KCNJ3: variants seen among roughly 807,000 people sequenced by gnomAD.
KCNJ3 encodes the protein potassium inwardly rectifying channel subfamily J member 3.
Under a neutral mutation model 39.2 loss-of-function variants are expected in KCNJ3, and 4 were observed. The observed-to-expected ratio is 0.10, with a 90% CI of 0.05 to 0.23. KCNJ3 has a LOEUF of 0.23. Ranked by LOEUF, KCNJ3 falls within the 10% of genes least tolerant of loss-of-function variation. KCNJ3 has a pLI of 1.00. For missense variants in KCNJ3, 276 were observed against 634.9 expected (o/e 0.43, Z 6.08); for synonymous variants, 230 against 237.4 (o/e 0.97, Z 0.29).
In KCNJ3 at chr2:154,792,015, C is replaced by T. The variant is rs532683567; in HGVS notation, c.920-62712C>T. ...TTGTCTTTTAACTGCTTTTATATTT[C>T]TAATCCTGTACACGTGGCTTCCCAA... On this transcript the variant is annotated intron_variant, in intron 2 of 2. Coordinates refer to ENST00000295101, the MANE Select transcript of KCNJ3 (RefSeq NM_002239.4). Among the ~76,000 whole-genome samples, 4 of 152,134 alleles carry T rather than the reference C, an allele frequency of 2.6e-5. No individual in the cohort carries two copies. The East Asian group carries it at 7.8e-4, about 30-fold the overall frequency.
chr2:154,698,708 T>TG lies in KCNJ3; in HGVS notation c.-67dup. 1 of 493,304 alleles carries TG rather than the reference T, an allele frequency of 2.0e-6. No individual in the cohort carries two copies. The allele number at this position is 493,304 out of a possible 1,614,324, so 30.6% of individuals were successfully genotyped here. On this transcript the variant is annotated 5_prime_UTR_variant, in exon 1 of 3. Coordinates refer to ENST00000295101, the MANE Select transcript of KCNJ3 (RefSeq NM_002239.4). ...TCCCCCGCCCCCACCTCCTTATTGG[T>TG]GCTAGTTTGCAGCGCCCAGCTCCTG...
chr2:154,817,924 C>T (rs2105107293), intron 2 of KCNJ3, among the ~76,000 whole-genome samples: 2 of 151,950 alleles, frequency 1.3e-5, no homozygotes, highest in East Asian at 2.0e-4. Context: ...AAAAACGTGT[C>T]CAACGATGTC....
intron 1 of KCNJ3, among the ~76,000 whole-genome samples, chr2:154,707,902 G>A (rs367956833): frequency 3.9e-4 from 60 of 152,200 alleles, no homozygotes; most frequent in Non-Finnish European, 6.2e-4. Context: ...CATGTAGTTG[G>A]AAAGATGTTG....
At chr2:154,735,842 C>T (rs1685520810) in intron 2 of KCNJ3, among the ~76,000 whole-genome samples, 1 of 152,100 alleles carries the variant, frequency 6.6e-6, no homozygotes, top group Non-Finnish European at 1.5e-5. Context: ...CTATAGTTTT[C>T]AAAGCAAAAG....
intron 2 of KCNJ3, among the ~76,000 whole-genome samples, chr2:154,831,198 A>G (rs1043734755): frequency 6.6e-6 from 1 of 152,140 alleles, no homozygotes; most frequent in African/African-American, 2.4e-5. Context: ...GATAAAGCAC[A>G]ACAGTTACCC....
chr2:154,812,354 GT>G (rs1189648841), intron 2 of KCNJ3, among the ~76,000 whole-genome samples: 1 of 152,110 alleles, frequency 6.6e-6, no homozygotes, highest in East Asian at 1.9e-4. Flanking sequence ...GTCATGGTGT[GT>G]AGGACACAGA....
intron 2 of KCNJ3, among the ~76,000 whole-genome samples, chr2:154,715,550 A>G (rs181548656): frequency 2.0e-4 from 30 of 152,230 alleles, no homozygotes; most frequent in Admixed American, 1.2e-3. Flanking sequence ...CAAAACTTTT[A>G]CTATGCAAGT....
intron 2 of KCNJ3, among the ~76,000 whole-genome samples, chr2:154,797,122 A>G (rs1686733556): frequency 6.6e-6 from 1 of 152,164 alleles, no homozygotes; most frequent in Admixed American, 6.6e-5. Flanking sequence ...GCGTTTACTG[A>G]GAGACACAAT....
chr2:154,793,190 A>T (rs967773713), intron 2 of KCNJ3, among the ~76,000 whole-genome samples: 20 of 152,120 alleles, frequency 1.3e-4, no homozygotes, highest in African/African-American at 4.6e-4. Context: ...AGCATAGGTC[A>T]TAAAGATTAT....
Position 154,721,785 on chromosome 2 carries a change from C to T in KCNJ3, c.919+11966C>T, listed in dbSNP as rs568567086. Among the ~76,000 whole-genome samples the T allele has an allele frequency of 3.7e-4, 57 of 152,190 alleles. 1 individual carries two copies. In the South Asian group the frequency reaches 0.011, roughly 29 times the overall value. Reference sequence around the variant, plus strand: ...AATCTAGTTAAAACCCTCTATTTTACAGAAATGGAAACTGTGATTCATTGA... The same window carrying T: ...AATCTAGTTAAAACCCTCTATTTTATAGAAATGGAAACTGTGATTCATTGA... On this transcript the variant is annotated intron_variant, in intron 2 of 2. Transcript: ENST00000295101.
At chr2:154,808,149 C>T (rs1264993212) in intron 2 of KCNJ3, among the ~76,000 whole-genome samples, 2 of 150,304 alleles carry the variant, frequency 1.3e-5, no homozygotes, top group African/African-American at 4.9e-5. Context: ...GGAACAATCT[C>T]GGTTTATTTC....
chr2:154,845,336 C>T (rs1031196542), intron 2 of KCNJ3, among the ~76,000 whole-genome samples: 16 of 151,910 alleles, frequency 1.1e-4, no homozygotes, highest in Non-Finnish European at 1.6e-4. Context: ...TCAGGCTGGT[C>T]TCGAACTCCT....
At chr2:154,852,182 C>A (rs150688577) in intron 2 of KCNJ3, among the ~76,000 whole-genome samples, 132 of 152,252 alleles carry the variant, frequency 8.7e-4, no homozygotes, top group Non-Finnish European at 1.6e-3. Flanking sequence ...TGCCTGACAT[C>A]AATTTTCAAT....
chr2:154,846,363 T>C (rs529108538), intron 2 of KCNJ3, among the ~76,000 whole-genome samples: 1 of 152,352 alleles, frequency 6.6e-6, no homozygotes, highest in South Asian at 2.1e-4. Context: ...TTTAATTAAT[T>C]GGAACCTTAA....
chr2:154,739,126 G>A (rs1685598771), intron 2 of KCNJ3, among the ~76,000 whole-genome samples: 1 of 152,032 alleles, frequency 6.6e-6, no homozygotes, highest in African/African-American at 2.4e-5. Context: ...ATCCTCAGGT[G>A]CTGTTTTTAT....
chr2:154,723,584 A>G (rs557922177), intron 2 of KCNJ3, among the ~76,000 whole-genome samples: 1 of 152,028 alleles, frequency 6.6e-6, no homozygotes, highest in South Asian at 2.1e-4. Context: ...TAACAATAAT[A>G]TACGTAATAT....
intron 1 of KCNJ3, among the ~76,000 whole-genome samples, chr2:154,700,629 TTTTGCC>T (rs1684876306): frequency 6.6e-6 from 1 of 152,208 alleles, no homozygotes; most frequent in African/African-American, 2.4e-5. Flanking sequence ...ATATTTGAGA[TTTTGCC>T]TTTGAAATTT....
At chr2:154,769,944 T>G (rs1256968612) in intron 2 of KCNJ3, among the ~76,000 whole-genome samples, 4 of 152,150 alleles carry the variant, frequency 2.6e-5, no homozygotes, top group Non-Finnish European at 4.4e-5. Flanking sequence ...CCTTTGATAG[T>G]TTTAATGAAA....
At chr2:154,721,670 C>T (rs1213766770) in intron 2 of KCNJ3, among the ~76,000 whole-genome samples, 2 of 151,800 alleles carry the variant, frequency 1.3e-5, no homozygotes, top group Non-Finnish European at 2.9e-5. Context: ...AAAAAAGGCA[C>T]ATTTATGATT....
Sources: allele counts gnomAD v4.1 joint callset (sites outside exome capture counted in the v4.1 genomes callset), GRCh38; gene constraint gnomAD v4.1.1; transcripts MANE v1.5; gene names NCBI Gene and HGNC (gene_info 2026-07-23, HGNC 2026-07-21).